The following ICE1 variants were observed in gnomAD, a reference collection of about 807,000 sequenced individuals.
The protein encoded by ICE1 is interactor of little elongation complex ELL subunit 1, also known as little elongation complex subunit 1.
A neutral mutation model predicts 192.7 loss-of-function variants in ICE1; 64 were observed. That is an observed-to-expected ratio of 0.33 (90% CI 0.27 to 0.41). The LOEUF is 0.41. Among genes scored for constraint, ICE1 ranks in the 10% least tolerant of loss-of-function variants. The pLI is 1.00. For synonymous variants in ICE1, 1,010 were observed against 984.5 expected (o/e 1.03, Z -0.49); for missense variants, 2,708 against 2,696.0 (o/e 1.00, Z -0.10).
chr5:5,451,688 T>G lies in ICE1; in HGVS notation c.605-2864T>G, dbSNP rs1054998090. On this transcript the variant is annotated intron_variant, in intron 10 of 18. Coordinates refer to ENST00000296564, the MANE Select transcript of ICE1 (RefSeq NM_015325.3). ...ATAGGAAGAAATTTTTAACAATAGT[T>G]AAAGATCTAACACCATAATAAATCC... Among the ~76,000 whole-genome samples the G allele has an allele frequency of 7.9e-5, 12 of 152,170 alleles. 1 individual carries two copies. The highest frequency in any genetic ancestry group is 7.2e-4 in the Admixed American group (11 of 15,284).
At chr5:5,488,219 G>A (rs746452481) in intron 18 of ICE1, among the ~76,000 whole-genome samples, 9 of 152,194 alleles carry the variant, frequency 5.9e-5, no homozygotes, top group South Asian at 4.1e-4. Context: ...ATGTTTGAAT[G>A]TGTGGGCTTT....
At chr5:5,440,602 T>TAATAGTACTATTTAATAGGA in intron 4 of ICE1, among the ~76,000 whole-genome samples, 1 of 152,230 alleles carries the variant, frequency 6.6e-6, no homozygotes, top group East Asian at 1.9e-4. Flanking sequence ...ATTATAATAG[T>TAATAGTACTATTTAATAGGA]AATAGTACTA....
chr5:5,473,163 G>A (rs752459358), intron 15 of ICE1, among the ~76,000 whole-genome samples: 5 of 152,142 alleles, frequency 3.3e-5, no homozygotes, highest in Non-Finnish European at 5.9e-5. Flanking sequence ...TGAATTTCTC[G>A]AAAAGGCAGA....
At chr5:5,453,721 T>C (rs1323670308) in intron 10 of ICE1, among the ~76,000 whole-genome samples, 4 of 152,210 alleles carry the variant, frequency 2.6e-5, no homozygotes, top group African/African-American at 9.6e-5. Flanking sequence ...AAATACTTTT[T>C]GCTTTAGAAG....
intron 15 of ICE1, among the ~76,000 whole-genome samples, chr5:5,470,585 A>G (rs1342175738): frequency 6.6e-6 from 1 of 152,252 alleles, no homozygotes; most frequent in Non-Finnish European, 1.5e-5. Flanking sequence ...AACAAAAATG[A>G]GGACATAGTA....
Position 5,481,411 on chromosome 5 carries a change from G to A in ICE1, c.6521-5310G>A, listed in dbSNP as rs144149949. On this transcript the variant is annotated intron_variant, in intron 17 of 18. Coordinates refer to ENST00000296564, the MANE Select transcript of ICE1 (RefSeq NM_015325.3). ...ACGACAGCGGAAGCAGCCTCTTTGC[G>A]TTTATAGAGGAGGGTCAGCTGTACC... Among the ~76,000 whole-genome samples the A allele has an allele frequency of 2.5e-3, 383 of 152,222 alleles. 1 individual carries two copies. Among genetic ancestry groups the A allele is most frequent in the African/African-American group, 8.9e-3 (370 of 41,548 alleles).
intron 17 of ICE1, among the ~76,000 whole-genome samples, chr5:5,484,862 A>G (rs1023121470): frequency 6.6e-6 from 1 of 152,346 alleles, no homozygotes; most frequent in East Asian, 1.9e-4. Context: ...AACGCTGAGC[A>G]TACAATATGA....
chr5:5,461,207 G>A lies in ICE1; in HGVS notation c.1873G>A (p.Asp625Asn). The A allele has an allele frequency of 6.2e-7, 1 of 1,614,000 alleles. No individual in the cohort carries two copies. The highest frequency in any genetic ancestry group is 8.5e-7 in the Non-Finnish European group (1 of 1,179,864). The change falls in exon 13 of 19, where the codon GAC (aspartate) becomes AAC (asparagine). Residue 625 changes from aspartate (D) to asparagine (N), a missense_variant. Asp to Asn is a conservative substitution (Grantham distance 23). Around this residue, in one of 2 missense-constraint regions of ICE1, gnomAD observed 2,366 missense variants for 2,276.6 expected, o/e 1.04. Coordinates refer to ENST00000296564, the MANE Select transcript of ICE1 (RefSeq NM_015325.3). ...TGATGGAATGGATGTAGCAGGGCTT[G>A]ACATTGAAACCAGTTTTTCTTCCTC... is the stretch of plus-strand genomic sequence containing the variant. Reference protein sequence around the residue: ...SGDGMDVAGLDIETSFSSSST... With the variant: ...SGDGMDVAGLNIETSFSSSST...
Position 5,464,422 on chromosome 5 carries a change from T to G in ICE1, c.5088T>G (p.Pro1696=), listed in dbSNP as rs1195646723. 1 of 1,613,806 alleles carries G rather than the reference T, an allele frequency of 6.2e-7. No individual in the cohort carries two copies. The highest frequency in any genetic ancestry group is 1.3e-5 in the African/African-American group (1 of 74,912). Residue 1696 remains proline (P), a synonymous_variant, in exon 13 of 19, where the codon CCT becomes CCG. Transcript: ENST00000296564. The surrounding 1 kb of genome is among the most constrained non-coding windows in gnomAD (Gnocchi z 4.0). ...CCAGACGTGCCTCTCCTCCAGATCC[T>G]TCTCCATCTCCATCTGCAGCTTCAG... ...EDPRRASPPD[P]SPSPSAASAS...
Position 5,462,300 on chromosome 5 carries a change from C to T in ICE1, c.2966C>T (p.Ala989Val). 6.2e-7 allele frequency: 1 copy of T among 1,613,900 alleles called. No individual in the cohort carries two copies. Residue 989 changes from alanine to valine, a missense_variant, in exon 13 of 19, where the codon GCC becomes GTC. Ala to Val is a moderately conservative substitution (Grantham distance 64). Around this residue, in one of 2 missense-constraint regions of ICE1, gnomAD observed 2,366 missense variants for 2,276.6 expected, o/e 1.04. Coordinates refer to ENST00000296564, the MANE Select transcript of ICE1 (RefSeq NM_015325.3). ...GDGQKQRQPQ[A>V]TDLDSSGTHG... ...GGGCAGAAGCAAAGGCAGCCTCAGGCCACAGATCTGGACTCCAGTGGGACA... is the reference window on the plus strand; with the variant it reads ...GGGCAGAAGCAAAGGCAGCCTCAGGTCACAGATCTGGACTCCAGTGGGACA...
intron 18 of ICE1, among the ~76,000 whole-genome samples, 191 bp downstream of exon 18, chr5:5,487,010 TTAAA>T (rs1281766711): frequency 6.6e-6 from 1 of 152,124 alleles, no homozygotes; most frequent in African/African-American, 2.4e-5. Flanking sequence ...ATTTGATTAC[TTAAA>T]TAAAAGTCGT....
chr5:5,486,992 G>A (rs1739654729), intron 18 of ICE1, among the ~76,000 whole-genome samples, 173 bp downstream of exon 18: 1 of 152,138 alleles, frequency 6.6e-6, no homozygotes, highest in Non-Finnish European at 1.5e-5. Flanking sequence ...TGTGGATTTT[G>A]TGGTGGTATT....
chr5:5,486,579 A>AT, intron 17 of ICE1, 142 bp from the exon 18 acceptor site: 1 of 593,664 alleles, frequency 1.7e-6, no homozygotes, highest in Non-Finnish European at 3.0e-6. Flanking sequence ...AACACATTGT[A>AT]TATCATCTGG....
intron 17 of ICE1, among the ~76,000 whole-genome samples, chr5:5,478,340 T>G (rs780720773): frequency 6.6e-5 from 10 of 151,684 alleles, no homozygotes; most frequent in Non-Finnish European, 1.0e-4. Flanking sequence ...AGCTAAATCA[T>G]GTGTGAACTC....
In ICE1 at chr5:5,462,746, G is replaced by T; in HGVS notation, c.3412G>T (p.Ala1138Ser). The T allele has an allele frequency of 1.2e-6, 2 of 1,613,788 alleles. No homozygotes were observed. Among genetic ancestry groups the T allele is most frequent in the Non-Finnish European group, 1.7e-6 (2 of 1,179,766 alleles). Residue 1138 changes from alanine (A) to serine (S), a missense_variant, in exon 13 of 19, where the codon GCT (alanine) becomes TCT (serine). Ala to Ser is a moderately conservative substitution (Grantham distance 99, BLOSUM62 1). Coordinates refer to ENST00000296564, the MANE Select transcript of ICE1 (RefSeq NM_015325.3). ...DSQKNLGDTD[A>S]AVAEVRPSLE... The stretch of plus-strand genomic sequence containing the variant: ...ACAGAAAAATTTAGGAGACACAGAT[G>T]CTGCTGTAGCCGAGGTGAGACCTTC...
chr5:5,467,087 C>A (rs1739009901), intron 14 of ICE1, among the ~76,000 whole-genome samples: 1 of 152,198 alleles, frequency 6.6e-6, no homozygotes, highest in South Asian at 2.1e-4. Context: ...TAAACATTTA[C>A]CATCTTTGAC....
At chr5:5,459,818 T>TG (rs1561086920) in intron 12 of ICE1, among the ~76,000 whole-genome samples, 2 of 151,948 alleles carry the variant, frequency 1.3e-5, no homozygotes, top group Non-Finnish European at 2.9e-5. Flanking sequence ...GGAGACGAGT[T>TG]GGGGGTCAGG....
chr5:5,452,857 C>G (rs1273835191), intron 10 of ICE1, among the ~76,000 whole-genome samples: 2 of 152,112 alleles, frequency 1.3e-5, no homozygotes, highest in Non-Finnish European at 2.9e-5. Flanking sequence ...AATATTCATA[C>G]ATGCCTTAGA....
rs917611874 is a variant in ICE1, at chr5:5,452,297, A to G, written c.605-2255A>G. 5.3e-5 allele frequency among the ~76,000 whole-genome samples: 8 copies of G among 151,976 alleles called. No homozygotes were observed. The East Asian group carries it at 1.6e-3, about 29-fold the overall frequency. ...ATTTCAGATGATACTACTAATGTAG[A>G]GAATTTAAAAGACTCAGAGTTGGAA... is the stretch of plus-strand genomic sequence containing the variant. On this transcript the variant is annotated intron_variant, in intron 10 of 18. Transcript: ENST00000296564.
Sources: gnomAD v4.1 joint callset for allele counts (sites outside exome capture counted in the v4.1 genomes callset) on GRCh38, gnomAD v4.1.1 for gene constraint, gnomAD v4.1.1 regional missense constraint, Gnocchi (gnomAD v3.1) non-coding constraint, MANE v1.5 for transcripts, NCBI Gene and HGNC (gene_info 2026-07-23, HGNC 2026-07-21) for gene names.